CCDC85A: variants seen among roughly 807,000 people sequenced by gnomAD.
The protein encoded by CCDC85A is coiled-coil domain-containing protein 85A.
In CCDC85A, 38 loss-of-function variants were observed where a neutral mutation model predicts 50.2. The ratio of observed to expected loss-of-function variants is 0.76; its 90% CI spans 0.58 to 0.99. The LOEUF (loss-of-function observed/expected upper bound fraction) is 0.99, where lower values mean the gene tolerates loss of function less well. Ranked by LOEUF, CCDC85A falls within the 50% of genes least tolerant of loss-of-function variation. CCDC85A has a pLI of 0.00. For missense variants in CCDC85A, 820 were observed against 742.0 expected (o/e 1.11, Z -1.22); for synonymous variants, 366 against 301.4 (o/e 1.21, Z -2.22).
At chr2:56,263,588 G>A (rs979691791) in intron 2 of CCDC85A, among the ~76,000 whole-genome samples, 6 of 152,168 alleles carry the variant, frequency 3.9e-5, no homozygotes, top group Admixed American at 3.9e-4. Context: ...GTGTGAGGGG[G>A]TGTGTATGAG....
intron 2 of CCDC85A, among the ~76,000 whole-genome samples, chr2:56,243,772 T>C (rs1669376450): frequency 6.6e-6 from 1 of 152,184 alleles, no homozygotes. Context: ...GTACCTATCC[T>C]TCTTAGGAAG....
At chr2:56,186,573 C>A (rs1163597902) in intron 1 of CCDC85A, among the ~76,000 whole-genome samples, 2 of 152,180 alleles carry the variant, frequency 1.3e-5, no homozygotes, top group African/African-American at 4.8e-5. Flanking sequence ...ATTAGTTTGT[C>A]ATCCTCTAAT....
chr2:56,304,007 A>C (rs1573214998), intron 2 of CCDC85A, among the ~76,000 whole-genome samples: 2 of 152,310 alleles, frequency 1.3e-5, no homozygotes, highest in Non-Finnish European at 2.9e-5. Context: ...AAATGATGGA[A>C]GAGTGGATGT....
At chr2:56,257,553 G>A (rs1272888407) in intron 2 of CCDC85A, among the ~76,000 whole-genome samples, 1 of 152,108 alleles carries the variant, frequency 6.6e-6, no homozygotes, top group African/African-American at 2.4e-5. Flanking sequence ...TAGTGGGGAG[G>A]AAGTTACATG....
chr2:56,266,911 T>A (rs1298923802), intron 2 of CCDC85A, among the ~76,000 whole-genome samples: 1 of 152,050 alleles, frequency 6.6e-6, no homozygotes, highest in Non-Finnish European at 1.5e-5. Context: ...TTCAAGTGAG[T>A]GGTGTGGTTT....
chr2:56,360,605 G>A (rs892963194), intron 3 of CCDC85A, among the ~76,000 whole-genome samples: 3 of 152,128 alleles, frequency 2.0e-5, no homozygotes, highest in Non-Finnish European at 4.4e-5. Context: ...TTGGCTGTAC[G>A]TGTTAAGGGC....
intron 2 of CCDC85A, among the ~76,000 whole-genome samples, chr2:56,196,341 T>TA: frequency 6.6e-6 from 1 of 152,374 alleles, no homozygotes. Context: ...ATTCAACACT[T>TA]ACCACATCTA....
intron 2 of CCDC85A, among the ~76,000 whole-genome samples, chr2:56,340,754 T>G (rs1674321849): frequency 1.3e-5 from 2 of 151,240 alleles, no homozygotes; most frequent in Admixed American, 1.3e-4. Flanking sequence ...CACATGCCTG[T>G]AATCCCAACT....
chr2:56,280,382 G>A (rs1671152667), intron 2 of CCDC85A, among the ~76,000 whole-genome samples: 1 of 152,132 alleles, frequency 6.6e-6, no homozygotes, highest in South Asian at 2.1e-4. Flanking sequence ...GTTTGAAAAT[G>A]CATCATAGCT....
intron 2 of CCDC85A, among the ~76,000 whole-genome samples, chr2:56,290,270 G>A (rs1307222774): frequency 6.6e-6 from 1 of 152,004 alleles, no homozygotes; most frequent in Non-Finnish European, 1.5e-5. Context: ...TGATAGAGGT[G>A]TAACATTTTT....
intron 3 of CCDC85A, among the ~76,000 whole-genome samples, chr2:56,363,072 T>C (rs903039005): frequency 2.0e-5 from 3 of 152,152 alleles, no homozygotes; most frequent in African/African-American, 7.2e-5. Flanking sequence ...TGAGTGTATA[T>C]ATAGTTTGAA....
intron 2 of CCDC85A, among the ~76,000 whole-genome samples, chr2:56,301,585 T>C (rs1281853756): frequency 2.6e-5 from 4 of 152,228 alleles, no homozygotes; most frequent in Non-Finnish European, 5.9e-5. Flanking sequence ...AAGGTCATAC[T>C]GTTTAAGATA....
At chr2:56,198,284 A>C (rs1420661954) in intron 2 of CCDC85A, among the ~76,000 whole-genome samples, 1 of 152,256 alleles carries the variant, frequency 6.6e-6, no homozygotes, top group Non-Finnish European at 1.5e-5. Flanking sequence ...TTGTGAATGA[A>C]TTTGGACAAT....
intron 2 of CCDC85A, among the ~76,000 whole-genome samples, chr2:56,297,668 C>T (rs1331517799): frequency 6.6e-6 from 1 of 152,150 alleles, no homozygotes; most frequent in African/African-American, 2.4e-5. Context: ...TCAGTAAGGT[C>T]AGTAAAGTTT....
chr2:56,221,493 G>T (rs937733044), intron 2 of CCDC85A, among the ~76,000 whole-genome samples: 5 of 151,940 alleles, frequency 3.3e-5, no homozygotes, highest in African/African-American at 1.2e-4. Flanking sequence ...CTTACTAAGA[G>T]TTAACTGTAT....
At chr2:56,361,656 G>A (rs952645346) in intron 3 of CCDC85A, among the ~76,000 whole-genome samples, 2 of 152,142 alleles carry the variant, frequency 1.3e-5, no homozygotes, top group African/African-American at 4.8e-5. Flanking sequence ...TTCAGAAAGA[G>A]GAACAATGCC....
chr2:56,194,743 C>T (rs564203893), intron 2 of CCDC85A, among the ~76,000 whole-genome samples: 2 of 152,152 alleles, frequency 1.3e-5, no homozygotes, highest in South Asian at 2.1e-4. Context: ...CTTTCTCTGT[C>T]GTTGGGAGGT....
chr2:56,373,673 G>A (rs1676193191), intron 4 of CCDC85A, among the ~76,000 whole-genome samples: 1 of 152,236 alleles, frequency 6.6e-6, no homozygotes, highest in Non-Finnish European at 1.5e-5. Context: ...CTCAGAGTGG[G>A]AAGGTTTATT....
Position 56,250,093 on chromosome 2 carries a change from A to G in CCDC85A, c.1240+56653A>G, listed in dbSNP as rs146740627. On this transcript the variant is annotated intron_variant, in intron 2 of 5. Transcript: ENST00000407595. ...TAGGTTTTGCTCCTCTAAAACGTGT[A>G]AGCAAGGACTGTGAGGTTATTGTGA... Among the ~76,000 whole-genome samples the G allele has an allele frequency of 3.9e-5, 6 of 152,286 alleles. No homozygotes were observed. In the East Asian group the frequency reaches 1.2e-3, roughly 29 times the overall value.
Sources: allele counts gnomAD v4.1 joint callset (sites outside exome capture counted in the v4.1 genomes callset), GRCh38; gene constraint gnomAD v4.1.1; transcripts MANE v1.5; gene names NCBI Gene and HGNC (gene_info 2026-07-23, HGNC 2026-07-21).